The following NTRK2 variants were observed in gnomAD, a reference collection of about 807,000 sequenced individuals.
NTRK2 encodes neurotrophic receptor tyrosine kinase 2.
In NTRK2, 13 loss-of-function variants were observed where a neutral mutation model predicts 94.5. The ratio of observed to expected loss-of-function variants is 0.14; its 90% confidence interval spans 0.09 to 0.22. NTRK2 has a LOEUF of 0.22. Ranked by LOEUF, NTRK2 falls within the 10% of genes least tolerant of loss-of-function variation. The probability of loss-of-function intolerance (pLI) is 1.00; values close to 1 mark genes in which losing one functional copy is unlikely to be tolerated. For synonymous variants in NTRK2, 372 were observed against 407.4 expected, an observed-to-expected ratio of 0.91 and a Z score of 1.05; for missense variants, 639 against 1,071.2, an observed-to-expected ratio of 0.60 and a Z score of 5.63.
chr9:84,983,627 T>G (rs1005392739), intron 17 of NTRK2, among the ~76,000 whole-genome samples: 2 of 152,194 alleles, frequency 1.3e-5, no homozygotes, highest in Middle Eastern at 3.2e-3. Flanking sequence ...AGACCTGAGC[T>G]GTGGGAGCCT....
chr9:84,924,364 G>A (rs1207576357), intron 14 of NTRK2, among the ~76,000 whole-genome samples: 1 of 152,254 alleles, frequency 6.6e-6, no homozygotes, highest in Non-Finnish European at 1.5e-5. Flanking sequence ...GCTTTCCAGT[G>A]TTGAGAGCAG....
intron 17 of NTRK2, among the ~76,000 whole-genome samples, chr9:85,010,221 A>T (rs1200877244): frequency 6.6e-6 from 1 of 152,204 alleles, no homozygotes; most frequent in African/African-American, 2.4e-5. Flanking sequence ...TGTCTGAGTA[A>T]CTTACATAGG....
intron 13 of NTRK2, among the ~76,000 whole-genome samples, chr9:84,866,699 A>G (rs2075611382): frequency 6.6e-6 from 1 of 152,250 alleles, no homozygotes; most frequent in Non-Finnish European, 1.5e-5. Flanking sequence ...TAGAGCTACC[A>G]TATGACCCAG....
intron 6 of NTRK2, among the ~76,000 whole-genome samples, chr9:84,717,812 G>A (rs1055850224): frequency 2.0e-5 from 3 of 152,048 alleles, no homozygotes; most frequent in Admixed American, 2.0e-4. Flanking sequence ...TTGTCAAATT[G>A]CTTGAAATGA....
At chr9:84,758,082 G>A (rs1244882637) in intron 12 of NTRK2, among the ~76,000 whole-genome samples, 1 of 151,758 alleles carries the variant, frequency 6.6e-6, no homozygotes, top group Non-Finnish European at 1.5e-5. Context: ...AAAAATAAGA[G>A]TAATGTTTAT....
intron 1 of NTRK2, 34 bp from the exon 2 acceptor site, chr9:84,670,343 A>C (rs904991863): frequency 6.1e-6 from 2 of 327,004 alleles, no homozygotes; most frequent in Non-Finnish European, 1.1e-5. Flanking sequence ...TGGGGGTCCT[A>C]CGCTCAGTCT....
chr9:84,966,296 TA>T (rs779141026), intron 17 of NTRK2, among the ~76,000 whole-genome samples: 1 of 152,220 alleles, frequency 6.6e-6, no homozygotes, highest in Non-Finnish European at 1.5e-5. Flanking sequence ...GTCTTTTGCG[TA>T]ATGTTGATTT....
At chr9:84,918,077 G>A (rs1266985474) in intron 14 of NTRK2, among the ~76,000 whole-genome samples, 6 of 152,190 alleles carry the variant, frequency 3.9e-5, no homozygotes, top group Admixed American at 3.9e-4. Flanking sequence ...CAAAAGTGGA[G>A]GCTGTAGCTA....
chr9:84,798,107 A>G (rs2069847711), intron 12 of NTRK2, among the ~76,000 whole-genome samples: 2 of 151,214 alleles, frequency 1.3e-5, no homozygotes, highest in African/African-American at 4.9e-5. Context: ...ATATCAAGGC[A>G]CCAGCAGATT....
At chr9:84,796,478 G>A (rs1399840592) in intron 12 of NTRK2, among the ~76,000 whole-genome samples, 2 of 152,278 alleles carry the variant, frequency 1.3e-5, no homozygotes, top group Admixed American at 6.5e-5. Context: ...TTCCATCCAG[G>A]GTAGAGGAAG....
chr9:84,742,008 T>C, intron 10 of NTRK2, 81 bp downstream of exon 10: 2 of 1,236,660 alleles, frequency 1.6e-6, no homozygotes, highest in Non-Finnish European at 2.3e-6. Flanking sequence ...AAGAAGACTC[T>C]TCTAAGCTCA....
chr9:84,912,697 C>A (rs1319835139), intron 14 of NTRK2, among the ~76,000 whole-genome samples: 3 of 146,750 alleles, frequency 2.0e-5, no homozygotes, highest in African/African-American at 7.6e-5. Flanking sequence ...TGGCTCACTG[C>A]AAGCTCTGCC....
At chr9:84,814,406 CTTCTT>C in intron 12 of NTRK2, 2 of 1,065,726 alleles carry the variant, frequency 1.9e-6, no homozygotes, top group Middle Eastern at 4.1e-4. Flanking sequence ...TCTCTCTCCT[CTTCTT>C]TTCTCTTTAT....
At chr9:84,812,770 T>C in intron 12 of NTRK2, 1 of 1,036,106 alleles carries the variant, frequency 9.7e-7, no homozygotes, top group Non-Finnish European at 1.2e-6. Flanking sequence ...AAAGGAAAAA[T>C]AAAAAAAAAG....
intron 15 of NTRK2, among the ~76,000 whole-genome samples, chr9:84,943,644 A>C (rs1487580797): frequency 6.6e-6 from 1 of 152,184 alleles, no homozygotes; most frequent in Admixed American, 6.5e-5. Flanking sequence ...AATGAACCTG[A>C]AGAAGAGGGA....
At chr9:84,923,236 C>T (rs111343185) in intron 14 of NTRK2, among the ~76,000 whole-genome samples, 2 of 152,154 alleles carry the variant, frequency 1.3e-5, no homozygotes, top group East Asian at 3.9e-4. Flanking sequence ...CTGTTCAGAG[C>T]GTTCCCCATT....
chr9:84,895,318 A>G (rs2076726451), intron 14 of NTRK2, among the ~76,000 whole-genome samples: 1 of 152,234 alleles, frequency 6.6e-6, no homozygotes, highest in African/African-American at 2.4e-5. Flanking sequence ...CTTTTGATCC[A>G]TTAGCTGGTT....
At chr9:84,788,023 T>G (rs1311719877) in intron 12 of NTRK2, among the ~76,000 whole-genome samples, 4 of 152,180 alleles carry the variant, frequency 2.6e-5, no homozygotes, top group African/African-American at 9.7e-5. Flanking sequence ...TTAAATGAAT[T>G]AATATATGAT....
intron 12 of NTRK2, among the ~76,000 whole-genome samples, chr9:84,825,146 A>C (rs1294487812): frequency 1.3e-5 from 2 of 152,182 alleles, no homozygotes; most frequent in Admixed American, 1.3e-4. Flanking sequence ...TCCAAAATCA[A>C]GCCAAGTCTT....
Sources: gnomAD v4.1 joint callset for allele counts (sites outside exome capture counted in the v4.1 genomes callset) on GRCh38, gnomAD v4.1.1 for gene constraint, MANE v1.5 for transcripts, NCBI Gene and HGNC (gene_info 2026-07-23, HGNC 2026-07-21) for gene names.